YWHAB: variants seen among roughly 807,000 people sequenced by gnomAD.
YWHAB encodes 14-3-3 protein beta/alpha.
In YWHAB, 2 loss-of-function variants were observed where a neutral mutation model predicts 28.5. That is an observed-to-expected ratio of 0.07 (90% CI 0.03 to 0.22). The LOEUF (loss-of-function observed/expected upper bound fraction) is 0.22, where lower values mean the gene tolerates loss of function less well. YWHAB is among the 10% of genes least tolerant of loss of function. The pLI is 1.00. For missense variants in YWHAB, 148 were observed against 297.1 expected, an observed-to-expected ratio of 0.50 and a Z score of 3.69; for synonymous variants, 103 against 104.7, an observed-to-expected ratio of 0.98 and a Z score of 0.10.
intron 1 of YWHAB, among the ~76,000 whole-genome samples, chr20:44,892,430 TTA>T (rs1230158543): frequency 6.6e-6 from 1 of 152,182 alleles, no homozygotes; most frequent in African/African-American, 2.4e-5. Context: ...GTTTTTTTTT[TTA>T]ATTGATGTGT....
chr20:44,893,668 A>T, intron 1 of YWHAB, among the ~76,000 whole-genome samples: 1 of 143,846 alleles, frequency 7.0e-6, no homozygotes, highest in Non-Finnish European at 1.5e-5. Flanking sequence ...GTAATCTTGT[A>T]CCATCTATCT....
chr20:44,904,880 G>A, intron 3 of YWHAB, 88 bp from the exon 4 acceptor site: 1 of 1,354,944 alleles, frequency 7.4e-7, no homozygotes, highest in Non-Finnish European at 9.9e-7. Flanking sequence ...TGCCCAGTTT[G>A]GGACTGAGAA....
intron 1 of YWHAB, among the ~76,000 whole-genome samples, chr20:44,895,366 G>A (rs1372087961): frequency 6.6e-6 from 1 of 152,228 alleles, no homozygotes; most frequent in South Asian, 2.1e-4. Context: ...AATTTATCAG[G>A]AATTTGAAAG....
intron 1 of YWHAB, among the ~76,000 whole-genome samples, chr20:44,889,554 CA>C (rs2066548672): frequency 6.6e-6 from 1 of 151,668 alleles, no homozygotes; most frequent in South Asian, 2.1e-4. Context: ...CTAAAAGAAC[CA>C]ACAGGAGGTT....
chr20:44,888,944 A>G (rs1224208462), intron 1 of YWHAB, among the ~76,000 whole-genome samples: 2 of 152,228 alleles, frequency 1.3e-5, no homozygotes, highest in Admixed American at 6.5e-5. Context: ...ATCTACGTAA[A>G]TAGAGAGAAA....
intron 1 of YWHAB, among the ~76,000 whole-genome samples, chr20:44,900,789 T>G (rs34182986): frequency 0.018 from 2,727 of 152,288 alleles, 34 homozygotes; most frequent in Non-Finnish European, 0.023. Flanking sequence ...ATAAACTTTT[T>G]TTTTGAGATG....
At chr20:44,904,916 G>T in intron 3 of YWHAB, 52 bp from the exon 4 acceptor site, 2 of 1,531,308 alleles carry the variant, frequency 1.3e-6, no homozygotes, top group African/African-American at 1.4e-5. Flanking sequence ...GGTCCAATGT[G>T]TGATACCTAT....
At chr20:44,889,354 A>G (rs1043191097) in intron 1 of YWHAB, among the ~76,000 whole-genome samples, 4 of 152,190 alleles carry the variant, frequency 2.6e-5, no homozygotes, top group African/African-American at 9.7e-5. Flanking sequence ...TGCTTTCTCA[A>G]CTAAAAGATT....
intron 1 of YWHAB, 73 bp downstream of exon 1, chr20:44,885,959 G>A (rs1231651434): frequency 1.3e-5 from 2 of 152,322 alleles, no homozygotes; most frequent in Admixed American, 1.3e-4. Context: ...CTGCTGCGAC[G>A]ACGGCGGCCC....
Position 44,903,912 on chromosome 20 carries a change from A to G in YWHAB, c.301-81A>G, listed in dbSNP as rs961361084. The G allele has an allele frequency of 6.1e-6, 9 of 1,470,264 alleles. 1 individual carries two copies. In the Admixed American group the frequency reaches 7.3e-5, roughly 12 times the overall value. The allele number at this position is 1,470,264 out of a possible 1,614,324, so 91.1% of individuals were successfully genotyped here. A position where few individuals can be genotyped will look rare whatever the true frequency, so the allele number is the denominator to read the frequency against. On this transcript the variant is annotated intron_variant, in intron 2 of 5. Coordinates refer to ENST00000353703, the MANE Select transcript of YWHAB (RefSeq NM_139323.4). ...ATCTTCCAAAAAATTATTTAGAAGC[A>G]GTAGTGTATATCTTGAATCTCAAAC...
intron 1 of YWHAB, among the ~76,000 whole-genome samples, chr20:44,894,171 T>G (rs2066581327): frequency 6.6e-6 from 1 of 152,154 alleles, no homozygotes; most frequent in Non-Finnish European, 1.5e-5. Context: ...GCTGGAGAGC[T>G]CCTGTTCTCA....
chr20:44,887,116 G>A (rs2066533244), intron 1 of YWHAB: 1 of 152,184 alleles, frequency 6.6e-6, no homozygotes, highest in Admixed American at 6.5e-5. Context: ...ATAAGTATTT[G>A]TTCTTGGTGA....
intron 2 of YWHAB, 35 bp from the exon 3 acceptor site, chr20:44,903,958 A>G (rs761439745): frequency 1.3e-6 from 2 of 1,584,210 alleles, no homozygotes; most frequent in Non-Finnish European, 1.7e-6. Context: ...CATCTCGTGA[A>G]TAATTCTAAA....
In YWHAB at chr20:44,906,504, T is replaced by TTA. The variant is rs2066657144; in HGVS notation, c.*66_*67insTA. On this transcript the variant is annotated 3_prime_UTR_variant, in exon 6 of 6. Transcript: ENST00000353703. ...CCCTCAACATATATCCCTTGTGCGA[T>TTA]AAAAAAAAAAAAAAAAAAAAAAAGA... The TTA allele has an allele frequency of 8.4e-6, 3 of 358,376 alleles. No homozygotes were observed. The highest frequency in any genetic ancestry group is 3.2e-5 in the African/African-American group (1 of 31,546). 22.2% of individuals were successfully genotyped at this position (358,376 alleles called of 1,614,324 possible). A position where few individuals can be genotyped will look rare whatever the true frequency, so the allele number is the denominator to read the frequency against.
rs540434747 is a variant in YWHAB at position 44,898,534 on chromosome 20, A to C, written c.-3-2997A>C. On this transcript the variant is annotated intron_variant, in intron 1 of 5. Coordinates refer to ENST00000353703, the MANE Select transcript of YWHAB (RefSeq NM_139323.4). ...TTTTTTCCTTTTTTTTTTGAGATGG[A>C]ATCTTGCTCTGTTGCCCAGGCCAGA... Among the ~76,000 whole-genome samples the C allele has an allele frequency of 1.1e-4, 16 of 149,740 alleles. 1 individual carries two copies. The East Asian group carries it at 3.2e-3, about 30-fold the overall frequency.
At chr20:44,906,318 C>G (rs2066655666) in intron 5 of YWHAB, 64 bp from the exon 6 acceptor site, 3 of 1,517,164 alleles carry the variant, frequency 2.0e-6, no homozygotes, top group East Asian at 2.3e-5. Context: ...ATTATACATA[C>G]TGGGCCACTT....
chr20:44,891,393 C>G (rs1286210806), intron 1 of YWHAB, among the ~76,000 whole-genome samples: 2 of 152,228 alleles, frequency 1.3e-5, no homozygotes, highest in Non-Finnish European at 2.9e-5. Flanking sequence ...GCGTGAGCCA[C>G]CACGCCCAGC....
chr20:44,893,598 G>C (rs1041404919), intron 1 of YWHAB, among the ~76,000 whole-genome samples: 2 of 151,094 alleles, frequency 1.3e-5, no homozygotes, highest in Non-Finnish European at 2.9e-5. Flanking sequence ...CGTCCCTCCA[G>C]CCCCCATTGC....
chr20:44,886,243 C>A (rs1160474972), intron 1 of YWHAB: 1 of 152,386 alleles, frequency 6.6e-6, no homozygotes, highest in Non-Finnish European at 1.5e-5. Context: ...TCGGCAAGAA[C>A]GTCCCCTTCA....
Sources: gnomAD v4.1 joint callset for allele counts (sites outside exome capture counted in the v4.1 genomes callset) on GRCh38, gnomAD v4.1.1 for gene constraint, MANE v1.5 for transcripts, NCBI Gene and HGNC (gene_info 2026-07-23, HGNC 2026-07-21) for gene names.